VPS8: variants seen among roughly 807,000 people sequenced by gnomAD.
VPS8 encodes the protein VPS8 subunit of CORVET complex, also known as vacuolar protein sorting-associated protein 8 homolog.
A neutral mutation model predicts 216.4 loss-of-function variants in VPS8; 129 were observed. The observed-to-expected ratio is 0.60, with a 90% CI of 0.52 to 0.69. The LOEUF is 0.69. Among genes scored for constraint, VPS8 ranks in the 30% least tolerant of loss-of-function variants. The probability of loss-of-function intolerance (pLI) is 0.00; values close to 1 mark genes in which losing one functional copy is unlikely to be tolerated. For missense variants in VPS8, 1,531 were observed against 1,683.5 expected, an observed-to-expected ratio of 0.91 and a Z score of 1.59; for synonymous variants, 571 against 565.4, an observed-to-expected ratio of 1.01 and a Z score of -0.14.
chr3:184,818,308 G>C (rs777986070), intron 1 of VPS8, among the ~76,000 whole-genome samples: 7 of 152,086 alleles, frequency 4.6e-5, no homozygotes, highest in Non-Finnish European at 8.8e-5. Context: ...GAGGCGGTCA[G>C]ATGGCTTGAG....
At chr3:184,986,350 T>C (rs1248327280) in intron 42 of VPS8, among the ~76,000 whole-genome samples, 1 of 152,156 alleles carries the variant, frequency 6.6e-6, no homozygotes, top group Non-Finnish European at 1.5e-5. Context: ...ATTTGAGAGA[T>C]AGGCAGGGAC....
intron 35 of VPS8, among the ~76,000 whole-genome samples, chr3:184,938,265 C>T (rs1003515265): frequency 6.6e-6 from 1 of 152,192 alleles, no homozygotes; most frequent in Admixed American, 6.5e-5. Context: ...GGTCCATTAA[C>T]TCAAGAAAAA....
At chr3:184,975,470 AT>A (rs1316135530) in intron 40 of VPS8, among the ~76,000 whole-genome samples, 1 of 152,100 alleles carries the variant, frequency 6.6e-6, no homozygotes, top group Admixed American at 6.5e-5. Context: ...AGGTTTTCAT[AT>A]CTATGAGATA....
intron 37 of VPS8, among the ~76,000 whole-genome samples, chr3:184,961,795 C>T (rs1746572249): frequency 6.7e-6 from 1 of 148,692 alleles, no homozygotes; most frequent in East Asian, 2.0e-4. Flanking sequence ...TAGACAGAGT[C>T]TCTCTCTGTC....
chr3:184,902,167 A>G (rs1233172004), intron 25 of VPS8, among the ~76,000 whole-genome samples: 1 of 131,596 alleles, frequency 7.6e-6, no homozygotes. Context: ...TTGTCTTCAT[A>G]TTATTGAATT....
At chr3:184,873,086 G>A (rs377140837) in intron 21 of VPS8, among the ~76,000 whole-genome samples, 25 of 152,240 alleles carry the variant, frequency 1.6e-4, no homozygotes, top group East Asian at 1.3e-3. Flanking sequence ...GAGCACATAC[G>A]ATGTGCCAGA....
intron 35 of VPS8, among the ~76,000 whole-genome samples, chr3:184,937,836 CT>C (rs1364088509): frequency 1.3e-5 from 2 of 152,292 alleles, no homozygotes; most frequent in East Asian, 3.9e-4. Flanking sequence ...GGTTAAGCTA[CT>C]AGTGATAGGC....
At chr3:184,941,799 T>A (rs1356206935) in intron 36 of VPS8, among the ~76,000 whole-genome samples, 1 of 152,122 alleles carries the variant, frequency 6.6e-6, no homozygotes, top group Non-Finnish European at 1.5e-5. Flanking sequence ...TCTGCTATCC[T>A]ACCTGGAGAG....
chr3:184,852,610 C>T (rs1232217100), intron 11 of VPS8, 43 bp downstream of exon 11: 1 of 1,569,092 alleles, frequency 6.4e-7, no homozygotes, highest in East Asian at 2.2e-5. Flanking sequence ...AAAAGACTAG[C>T]TCTGTTTTAA....
chr3:185,051,085 A>G (rs1193969518), intron 47 of VPS8, among the ~76,000 whole-genome samples: 1 of 152,136 alleles, frequency 6.6e-6, no homozygotes, highest in Non-Finnish European at 1.5e-5. Flanking sequence ...GGGCACCTCA[A>G]GAGCCAGGCT....
intron 16 of VPS8, among the ~76,000 whole-genome samples, chr3:184,865,611 C>T (rs988509375): frequency 2.0e-5 from 3 of 152,070 alleles, no homozygotes; most frequent in Non-Finnish European, 4.4e-5. Context: ...AAGGATGTGG[C>T]GATATTGGAA....
intron 25 of VPS8, 38 bp from the exon 26 acceptor site, chr3:184,913,481 A>G: frequency 1.3e-6 from 2 of 1,535,232 alleles, no homozygotes; most frequent in Non-Finnish European, 1.8e-6. Flanking sequence ...AAAGGTTTTG[A>G]GAGAAAATTG....
chr3:184,920,909 C>T (rs190329708), intron 29 of VPS8, among the ~76,000 whole-genome samples: 10 of 152,288 alleles, frequency 6.6e-5, no homozygotes, highest in African/African-American at 2.4e-4. Flanking sequence ...CAATATGCTA[C>T]ATTTATAATA....
chr3:184,926,612 A>C lies in VPS8; in HGVS notation c.2593A>C (p.Ser865Arg), dbSNP rs577146772. The C allele has an allele frequency of 3.3e-5, 53 of 1,604,052 alleles. No individual in the cohort carries two copies. The highest frequency in any genetic ancestry group is 4.0e-5 in the Non-Finnish European group (47 of 1,175,154). The change falls in exon 31 of 48, where the codon AGT becomes CGT. Residue 865 changes from serine (S) to arginine (R), a missense_variant. Coordinates refer to ENST00000625842, the MANE Select transcript of VPS8 (RefSeq NM_001009921.3). Reference sequence around the variant, plus strand: ...CGGCCAGGTCCTTGAATTCCTTTGTAGTCCTGACGATGACTCCCGACACTC... The same window carrying C: ...CGGCCAGGTCCTTGAATTCCTTTGTCGTCCTGACGATGACTCCCGACACTC... The part of the protein sequence containing the change: ...LFDQVLEFLC[S>R]PDDDSRHSER...
chr3:184,902,372 A>AG (rs1290831128), intron 25 of VPS8, among the ~76,000 whole-genome samples: 9 of 151,782 alleles, frequency 5.9e-5, no homozygotes, highest in Non-Finnish European at 8.8e-5. Context: ...GCTACTCAGG[A>AG]GGCTGAGGCA....
At chr3:184,883,490 A>G (rs920517643) in intron 21 of VPS8, among the ~76,000 whole-genome samples, 1 of 152,132 alleles carries the variant, frequency 6.6e-6, no homozygotes, top group Non-Finnish European at 1.5e-5. Context: ...CATCACTTAA[A>G]CCAGAAACCT....
intron 28 of VPS8, among the ~76,000 whole-genome samples, chr3:184,919,326 A>G (rs754602243): frequency 2.0e-5 from 3 of 152,234 alleles, no homozygotes; most frequent in South Asian, 2.1e-4. Context: ...CTCAGAATCA[A>G]ATGAACTAAG....
chr3:184,909,082 CT>C (rs1736018992), intron 25 of VPS8, among the ~76,000 whole-genome samples: 1 of 152,222 alleles, frequency 6.6e-6, no homozygotes, highest in Non-Finnish European at 1.5e-5. Flanking sequence ...GGACCCGCCC[CT>C]ATCTGCCTAG....
chr3:184,995,776 T>G (rs1016542865), intron 43 of VPS8, among the ~76,000 whole-genome samples: 1 of 152,230 alleles, frequency 6.6e-6, no homozygotes, highest in African/African-American at 2.4e-5. Flanking sequence ...GTCATGGTCT[T>G]GAGTAGATGC....
Sources: gnomAD v4.1 joint callset for allele counts (sites outside exome capture counted in the v4.1 genomes callset) on GRCh38, gnomAD v4.1.1 for gene constraint, MANE v1.5 for transcripts, NCBI Gene and HGNC (gene_info 2026-07-23, HGNC 2026-07-21) for gene names.